The following ANKS3 variants were observed in gnomAD, a reference collection of about 807,000 sequenced individuals.
ANKS3 encodes ankyrin repeat and sterile alpha motif domain containing 3.
Under a neutral mutation model 80.7 loss-of-function variants are expected in ANKS3, and 62 were observed. That is an observed-to-expected ratio of 0.77 (90% CI 0.63 to 0.95). The LOEUF is 0.95. Among genes scored for constraint, ANKS3 ranks in the 40% least tolerant of loss-of-function variants. The pLI is 0.00. For synonymous variants in ANKS3, 489 were observed against 355.3 expected (o/e 1.38, Z -4.23); for missense variants, 1,150 against 883.6 (o/e 1.30, Z -3.82).
chr16:4,723,654 G>A (rs902557043), intron 6 of ANKS3, among the ~76,000 whole-genome samples: 7 of 152,196 alleles, frequency 4.6e-5, no homozygotes, highest in East Asian at 1.9e-4. Flanking sequence ...TTGTAGGGCC[G>A]AATAATATCC....
intron 7 of ANKS3, among the ~76,000 whole-genome samples, chr16:4,708,254 G>C (rs114719855): frequency 3.3e-5 from 5 of 151,970 alleles, no homozygotes; most frequent in Non-Finnish European, 7.4e-5. Context: ...TTAATTGCAA[G>C]ATCAAAAAGG....
chr16:4,724,141 T>C (rs1231050880), intron 6 of ANKS3, among the ~76,000 whole-genome samples: 3 of 152,226 alleles, frequency 2.0e-5, no homozygotes, highest in Non-Finnish European at 4.4e-5. Context: ...TGTAAAAGGA[T>C]ATTCCCGGAA....
At chr16:4,725,800 C>G (rs1458317734) in intron 5 of ANKS3, among the ~76,000 whole-genome samples, 1 of 152,142 alleles carries the variant, frequency 6.6e-6, no homozygotes, top group Admixed American at 6.6e-5. Context: ...GCTGGGATTA[C>G]AGGCACCTGC....
At chr16:4,704,870 C>T (rs73504455) in intron 8 of ANKS3, among the ~76,000 whole-genome samples, 1,538 of 152,308 alleles carry the variant, frequency 0.01, 21 homozygotes, top group African/African-American at 0.036. Context: ...GAAAAGGAAA[C>T]TCCAGGAGAT....
At chr16:4,718,969 T>G (rs892348292) in intron 6 of ANKS3, among the ~76,000 whole-genome samples, 1 of 152,210 alleles carries the variant, frequency 6.6e-6, no homozygotes, top group Non-Finnish European at 1.5e-5. Flanking sequence ...AGAAAACATA[T>G]GCATGTTATA....
intron 8 of ANKS3, among the ~76,000 whole-genome samples, chr16:4,703,174 A>G (rs938592239): frequency 6.6e-6 from 1 of 152,172 alleles, no homozygotes; most frequent in Non-Finnish European, 1.5e-5. Context: ...ATGCAATGGC[A>G]CCATCATGGG....
intron 6 of ANKS3, among the ~76,000 whole-genome samples, chr16:4,714,466 C>T (rs754110123): frequency 1.4e-4 from 22 of 152,242 alleles, no homozygotes; most frequent in African/African-American, 2.2e-4. Flanking sequence ...AGCCACCATG[C>T]GGAGATCCCA....
chr16:4,697,916 T>G, intron 15 of ANKS3, 61 bp downstream of exon 15: 3 of 1,410,786 alleles, frequency 2.1e-6, no homozygotes, highest in Non-Finnish European at 2.8e-6. Flanking sequence ...GGGTCAAACC[T>G]GGCTTCAGGG....
intron 8 of ANKS3, among the ~76,000 whole-genome samples, chr16:4,703,609 T>C (rs4552027): frequency 0.97 from 148,106 of 152,096 alleles, 72,229 homozygotes; most frequent in East Asian, 1. Flanking sequence ...TTAGTAAAGA[T>C]GGGATTTCAC....
At chr16:4,717,099 G>A (rs535092548) in intron 6 of ANKS3, among the ~76,000 whole-genome samples, 2 of 151,226 alleles carry the variant, frequency 1.3e-5, no homozygotes, top group Middle Eastern at 3.4e-3. Flanking sequence ...AAAATTAGCC[G>A]GGCGTGGTGG....
intron 8 of ANKS3, among the ~76,000 whole-genome samples, 158 bp downstream of exon 8, chr16:4,704,937 C>T (rs1040412315): frequency 2.6e-5 from 4 of 152,246 alleles, no homozygotes; most frequent in Non-Finnish European, 5.9e-5. Context: ...AGGACTCAAT[C>T]CTGAGTCTCC....
In ANKS3 at chr16:4,696,670, G is replaced by C. The variant is rs1157283030; in HGVS notation, c.*238C>G. On this transcript the variant is annotated 3_prime_UTR_variant, in exon 18 of 18. Transcript: ENST00000304283. ...GGGCCAGGGCAGCCCATGAACTCTG[G>C]GCCTCACCACGAGGTTCTGGGTGAG... is the stretch of plus-strand genomic sequence containing the variant. 1 of 358,674 alleles carries C rather than the reference G, an allele frequency of 2.8e-6. No individual in the cohort carries two copies. The highest frequency in any genetic ancestry group is 5.3e-6 in the Non-Finnish European group (1 of 190,464). The allele number at this position is 358,674 out of a possible 1,614,324, so 22.2% of individuals were successfully genotyped here.
intron 15 of ANKS3, 39 bp downstream of exon 15, chr16:4,697,938 T>TC: frequency 6.8e-7 from 1 of 1,474,142 alleles, no homozygotes; most frequent in Non-Finnish European, 9.0e-7. Context: ...TCCCCCACCT[T>TC]CCCCTCTGCC....
chr16:4,731,622 G>A (rs749666962), intron 1 of ANKS3, 43 bp from the exon 2 acceptor site: 1 of 908,288 alleles, frequency 1.1e-6, no homozygotes, highest in Non-Finnish European at 1.3e-6. Flanking sequence ...GAATGGTTAT[G>A]AAATTGAAAA....
At chr16:4,726,312 T>C (rs542370134) in intron 5 of ANKS3, among the ~76,000 whole-genome samples, 1 of 124,760 alleles carries the variant, frequency 8.0e-6, no homozygotes, top group Admixed American at 8.1e-5. Context: ...ACCTCATCCA[T>C]ACAAAAAGCA....
chr16:4,705,100 C>T lies in ANKS3; in HGVS notation c.863G>A (p.Arg288His), dbSNP rs373599022. The T allele has an allele frequency of 9.3e-6, 15 of 1,612,080 alleles. No homozygotes were observed. Among genetic ancestry groups the T allele is most frequent in the African/African-American group, 8.0e-5 (6 of 74,900 alleles). Residue 288 changes from arginine to histidine, a missense_variant, in exon 8 of 18, where the codon CGC (arginine) becomes CAC (histidine). Coordinates refer to ENST00000304283, the MANE Select transcript of ANKS3 (RefSeq NM_133450.4). ...IGLGGRAPRP[R>H]YEQAPPRGYV... ...GGGAAACGCGGGCCACTCACCATAG[C>T]GAGGCCGTGGGGCTCTGCCGCCCAG...
rs779663025 is a variant in ANKS3 at position 4,698,471 on chromosome 16, C to T, written c.1680G>A (p.Thr560=). ...REDLQARLRE[T]WALARDAALV... ...GGGCAGCATCCCGGGCCAGGGCCCA[C>T]GTCTCCCGCAGCCGGGCCTGGAGGT... The change falls in exon 14 of 18, where the codon ACG becomes ACA. Residue 560 remains threonine, a synonymous_variant. Coordinates refer to ENST00000304283, the MANE Select transcript of ANKS3 (RefSeq NM_133450.4). The T allele has an allele frequency of 7.1e-6, 11 of 1,546,856 alleles. No homozygotes were observed. Among genetic ancestry groups the T allele is most frequent in the South Asian group, 1.2e-5 (1 of 84,592 alleles).
intron 2 of ANKS3, 183 bp from the exon 3 acceptor site, chr16:4,730,334 A>G (rs2081554272): frequency 4.2e-6 from 2 of 476,760 alleles, no homozygotes; most frequent in East Asian, 7.2e-5. Flanking sequence ...AGTCCCAACC[A>G]TGCTAAATCT....
At chr16:4,730,417 C>T (rs1379600020) in intron 2 of ANKS3, among the ~76,000 whole-genome samples, 1 of 152,198 alleles carries the variant, frequency 6.6e-6, no homozygotes, top group Non-Finnish European at 1.5e-5. Context: ...CCTGCTCCTC[C>T]TTCCAACCGC....
Sources: gnomAD v4.1 joint callset for allele counts (sites outside exome capture counted in the v4.1 genomes callset) on GRCh38, gnomAD v4.1.1 for gene constraint, MANE v1.5 for transcripts, NCBI Gene and HGNC (gene_info 2026-07-23, HGNC 2026-07-21) for gene names.